Variants in P3H2 observed in about 807,000 individuals in gnomAD.
P3H2 encodes leprecan-like 1.
In P3H2, 80 loss-of-function variants were observed where a neutral mutation model predicts 87.0. The observed-to-expected ratio is 0.92, with a 90% confidence interval of 0.77 to 1.11. P3H2 has a LOEUF of 1.11. Among genes scored for constraint, P3H2 ranks in the 50% least tolerant of loss-of-function variants. The pLI is 0.00. For missense variants in P3H2, 1,001 were observed against 923.9 expected (o/e 1.08, Z -1.08); for synonymous variants, 367 against 359.3 (o/e 1.02, Z -0.24).
intron 1 of P3H2, among the ~76,000 whole-genome samples, chr3:190,040,532 G>A (rs1447537501): frequency 6.6e-6 from 1 of 152,088 alleles, no homozygotes; most frequent in Admixed American, 6.6e-5. Context: ...GACTAAAAAT[G>A]TTCATATTCA....
chr3:189,970,579 A>T (rs1049518728), intron 13 of P3H2, among the ~76,000 whole-genome samples: 19 of 151,984 alleles, frequency 1.3e-4, no homozygotes, highest in African/African-American at 4.8e-5. Flanking sequence ...AACTAGCTAT[A>T]TGATCATGAT....
At chr3:190,040,784 A>G (rs1725582538) in intron 1 of P3H2, among the ~76,000 whole-genome samples, 1 of 151,856 alleles carries the variant, frequency 6.6e-6, no homozygotes, top group Non-Finnish European at 1.5e-5. Flanking sequence ...TTAGCATGCA[A>G]TCCATTCAAC....
upstream of P3H2, among the ~76,000 whole-genome samples, chr3:190,121,339 T>TAAA: frequency 7.1e-6 from 1 of 140,778 alleles, no homozygotes; most frequent in Middle Eastern, 3.6e-3. Context: ...AACGTAAAGT[T>TAAA]AAAAAAAAAA....
At chr3:190,090,596 G>A (rs924434633) in intron 1 of P3H2, among the ~76,000 whole-genome samples, 5 of 152,132 alleles carry the variant, frequency 3.3e-5, no homozygotes, top group South Asian at 2.1e-4. Context: ...CCAGCTACTC[G>A]GGAGGCTGAG....
chr3:190,120,442 G>C lies in P3H2; in HGVS notation c.290C>G (p.Pro97Arg), dbSNP rs1280425420. 1.4e-6 allele frequency: 2 copies of C among 1,433,218 alleles called. No homozygotes were observed. Among genetic ancestry groups the C allele is most frequent in the African/African-American group, 1.5e-5 (1 of 66,990 alleles). The allele number at this position is 1,433,218 out of a possible 1,614,324, so 88.8% of individuals were successfully genotyped here. The change falls in exon 1 of 15, where the codon CCG becomes CGG. Residue 97 changes from proline to arginine, a missense_variant. Pro to Arg is a moderately radical substitution (Grantham distance 103). Coordinates refer to ENST00000319332, the MANE Select transcript of P3H2 (RefSeq NM_018192.4). ...AGCGCCGGGGCCCTCGCCGGGGGGC[G>C]GGGGCGGGAGCGGGTGGCGCGCCGC... ...HCAARHPLPPPPPGEGPGAEL... is the reference protein window; with the variant it reads ...HCAARHPLPPRPPGEGPGAEL...
rs199877373 is a variant in P3H2, at chr3:189,972,991, C to A, written c.1582G>T (p.Ala528Ser). 6.2e-7 allele frequency: 1 copy of A among 1,612,820 alleles called. No individual in the cohort carries two copies. Among genetic ancestry groups the A allele is most frequent in the Non-Finnish European group, 8.5e-7 (1 of 1,179,690 alleles). The change falls in exon 11 of 15, where the codon GCT becomes TCT. Residue 528 changes from alanine to serine, a missense_variant. Physicochemically the swap from Ala to Ser is moderately conservative, Grantham distance 99 (BLOSUM62 1). Coordinates refer to ENST00000319332, the MANE Select transcript of P3H2 (RefSeq NM_018192.4). ...GYEGRVPLKSARLFYDISEKA... is the reference protein window; with the variant it reads ...GYEGRVPLKSSRLFYDISEKA... Reference sequence around the variant, plus strand: ...TCGCTGATGTCATAAAACAGACGAGCGCTCTTCAGTGGGACTCGACCTTCA... The same window carrying A: ...TCGCTGATGTCATAAAACAGACGAGAGCTCTTCAGTGGGACTCGACCTTCA...
chr3:190,016,397 C>A (rs1197996501), intron 1 of P3H2, among the ~76,000 whole-genome samples: 3 of 152,058 alleles, frequency 2.0e-5, no homozygotes, highest in Admixed American at 6.5e-5. Flanking sequence ...GCGCCCTCCA[C>A]CACGCCCAGC....
At chr3:190,093,298 C>G (rs1727473406) in intron 1 of P3H2, among the ~76,000 whole-genome samples, 1 of 152,066 alleles carries the variant, frequency 6.6e-6, no homozygotes, top group African/African-American at 2.4e-5. Flanking sequence ...ACAAGACAGA[C>G]AGTTGAGGAA....
rs770628547 is a variant in P3H2, at chr3:189,962,161, C to CTTTTTTTT, written c.2034+1789_2034+1796dup. Among the ~76,000 whole-genome samples the CTTTTTTTT allele has an allele frequency of 4.7e-3, 413 of 87,592 alleles. 16 individuals are homozygous for CTTTTTTTT. Among genetic ancestry groups the CTTTTTTTT allele is most frequent in the African/African-American group, 0.012 (252 of 21,166 alleles). 57.5% of individuals were successfully genotyped at this position (87,592 alleles called of 152,430 possible). A position where few individuals can be genotyped will look rare whatever the true frequency, so the allele number is the denominator to read the frequency against. Reference sequence around the variant, plus strand: ...GCCTTTCTTTCTTTTTCTTCTTCTTCTTTTTTTTTTTTTTTTTTTTTTTTA... The same window carrying CTTTTTTTT: ...GCCTTTCTTTCTTTTTCTTCTTCTTCTTTTTTTTTTTTTTTTTTTTTTTTTTTTTTTTA... On this transcript the variant is annotated intron_variant, in intron 14 of 14. Coordinates refer to ENST00000319332, the MANE Select transcript of P3H2 (RefSeq NM_018192.4).
chr3:190,007,965 C>CACACATATATATATATAT, intron 1 of P3H2, among the ~76,000 whole-genome samples: 73 of 94,344 alleles, frequency 7.7e-4, no homozygotes, highest in Middle Eastern at 4.6e-3. Context: ...TGTTGACACA[C>CACACATATATATATATAT]ATATATATAT....
intron 1 of P3H2, among the ~76,000 whole-genome samples, chr3:190,063,314 G>A (rs757130581): frequency 5.3e-5 from 8 of 152,242 alleles, no homozygotes; most frequent in Non-Finnish European, 1.2e-4. Flanking sequence ...TTCCATGCCT[G>A]AGCACAGCAT....
chr3:189,970,833 C>T lies in P3H2; in HGVS notation c.1876G>A (p.Asp626Asn), dbSNP rs1272133815. Residue 626 changes from aspartate to asparagine, a missense_variant, in exon 13 of 15, where the codon GAT becomes AAT. By Grantham distance (23) the Asp-to-Asn change is conservative (BLOSUM62 1). Transcript: ENST00000319332. ...TTACTTACAGTCACAGTCTTAGCAT[C>T]CATCTCTGTGAATATGAATTCTCCT... ...EGGEFIFTEMDAKTVTASIKP... is the reference protein window; with the variant it reads ...EGGEFIFTEMNAKTVTASIKP... 6.3e-7 allele frequency: 1 copy of T among 1,586,244 alleles called. No individual in the cohort carries two copies. The highest frequency in any genetic ancestry group is 1.7e-5 in the Admixed American group (1 of 59,996).
At chr3:189,965,969 GA>G (rs749675777) in intron 13 of P3H2, among the ~76,000 whole-genome samples, 2,518 of 76,716 alleles carry the variant, frequency 0.033, 52 homozygotes, top group African/African-American at 0.08. Flanking sequence ...CTGGGTGACA[GA>G]AAAAAAAAAA....
At chr3:189,969,535 A>T in intron 13 of P3H2, 1 of 1,232,072 alleles carries the variant, frequency 8.1e-7, no homozygotes, top group Non-Finnish European at 1.2e-6. Context: ...ACTGATCAAT[A>T]ATGACAATAT....
At chr3:190,119,124 AGAGAG>A (rs1157266773) in intron 1 of P3H2, among the ~76,000 whole-genome samples, 67 of 93,470 alleles carry the variant, frequency 7.2e-4, no homozygotes, top group Non-Finnish European at 1.0e-3. Flanking sequence ...AAGAAAAGGA[AGAGAG>A]GAGAGGAGAG....
At chr3:190,073,172 A>G (rs1560389006) in intron 1 of P3H2, among the ~76,000 whole-genome samples, 3 of 152,220 alleles carry the variant, frequency 2.0e-5, no homozygotes, top group African/African-American at 7.2e-5. Flanking sequence ...TCTTCATTAA[A>G]TGGATGCTCA....
At chr3:189,974,494 C>A in intron 9 of P3H2, 64 bp downstream of exon 9, 1 of 1,606,064 alleles carries the variant, frequency 6.2e-7, no homozygotes, top group South Asian at 1.1e-5. Context: ...AGACCAGGAC[C>A]AAAGCAGTTC....
chr3:190,017,554 T>C (rs1284983948), intron 1 of P3H2, among the ~76,000 whole-genome samples: 1 of 152,206 alleles, frequency 6.6e-6, no homozygotes, highest in Non-Finnish European at 1.5e-5. Context: ...AAATGGATTT[T>C]AGCAGAAATT....
intron 1 of P3H2, among the ~76,000 whole-genome samples, chr3:190,111,338 C>G (rs888687329): frequency 1.3e-5 from 2 of 152,200 alleles, no homozygotes; most frequent in African/African-American, 4.8e-5. Flanking sequence ...GGCCATTTCA[C>G]AGAATGGAAG....
Sources: allele counts gnomAD v4.1 joint callset (sites outside exome capture counted in the v4.1 genomes callset), GRCh38; gene constraint gnomAD v4.1.1; transcripts MANE v1.5; gene names NCBI Gene and HGNC (gene_info 2026-07-23, HGNC 2026-07-21).